DAB1: variants seen among roughly 807,000 people sequenced by gnomAD.
The protein encoded by DAB1 is DAB adaptor protein 1.
Under a neutral mutation model 64.6 loss-of-function variants are expected in DAB1, and 15 were observed. The ratio of observed to expected loss-of-function variants is 0.23; its 90% CI spans 0.16 to 0.36. The LOEUF (loss-of-function observed/expected upper bound fraction) is 0.36, where lower values mean the gene tolerates loss of function less well. Ranked by LOEUF, DAB1 falls within the 10% of genes least tolerant of loss-of-function variation. The pLI, the probability that DAB1 is intolerant of heterozygous loss-of-function variation, is 1.00. For synonymous variants in DAB1, 235 were observed against 251.9 expected (o/e 0.93, Z 0.64); for missense variants, 596 against 706.7 (o/e 0.84, Z 1.78).
intron 1 of DAB1, among the ~76,000 whole-genome samples, chr1:57,415,021 C>T (rs896349425): frequency 1.4e-4 from 22 of 152,028 alleles, no homozygotes; most frequent in East Asian, 9.7e-4. Context: ...AAAATGTATA[C>T]GGAAGAAAAC....
intron 4 of DAB1, among the ~76,000 whole-genome samples, chr1:58,309,893 T>C (rs530621358): frequency 1.3e-5 from 2 of 152,294 alleles, no homozygotes; most frequent in East Asian, 3.9e-4. Flanking sequence ...AAGCTCACAC[T>C]GGAGACTAAT....
chr1:57,540,225 C>G (rs2101445890), intron 7 of DAB1, among the ~76,000 whole-genome samples: 1 of 152,106 alleles, frequency 6.6e-6, no homozygotes, highest in East Asian at 1.9e-4. Context: ...TAGGGAAATG[C>G]AAATCAAAAC....
At chr1:57,451,229 G>A (rs749723613) in intron 7 of DAB1, among the ~76,000 whole-genome samples, 10 of 152,150 alleles carry the variant, frequency 6.6e-5, no homozygotes, top group African/African-American at 9.6e-5. Flanking sequence ...CTTTAGCTCC[G>A]GGAGTCCTTG....
At chr1:58,325,343 C>T (rs1218163572) in intron 4 of DAB1, among the ~76,000 whole-genome samples, 1 of 152,120 alleles carries the variant, frequency 6.6e-6, no homozygotes, top group African/African-American at 2.4e-5. Context: ...CTGATTTTAC[C>T]TTTCTCTTAG....
At chr1:57,989,971 G>T (rs955701520) in intron 5 of DAB1, among the ~76,000 whole-genome samples, 1 of 152,094 alleles carries the variant, frequency 6.6e-6, no homozygotes, top group African/African-American at 2.4e-5. Flanking sequence ...GGTAAATCAG[G>T]CACCATTTCT....
chr1:58,121,338 C>A (rs1400519730), intron 5 of DAB1, among the ~76,000 whole-genome samples: 1 of 152,058 alleles, frequency 6.6e-6, no homozygotes, highest in Admixed American at 6.6e-5. Context: ...ACTTTTCAGA[C>A]CTCATTTCCT....
At chr1:58,185,909 C>T (rs1657052899) in intron 4 of DAB1, among the ~76,000 whole-genome samples, 1 of 152,136 alleles carries the variant, frequency 6.6e-6, no homozygotes, top group Non-Finnish European at 1.5e-5. Flanking sequence ...GGCCATTGAC[C>T]CTAGAGTTTG....
chr1:57,457,310 G>A (rs1686633913), intron 7 of DAB1, among the ~76,000 whole-genome samples: 1 of 152,124 alleles, frequency 6.6e-6, no homozygotes, highest in Non-Finnish European at 1.5e-5. Context: ...AGAGAAATCT[G>A]ACCAGCATGG....
intron 7 of DAB1, among the ~76,000 whole-genome samples, chr1:57,491,215 T>G (rs939212700): frequency 2.6e-5 from 4 of 152,090 alleles, no homozygotes; most frequent in African/African-American, 9.7e-5. Context: ...GATCATGAGT[T>G]CAGGAGATGG....
intron 7 of DAB1, among the ~76,000 whole-genome samples, chr1:57,569,415 T>G (rs1645166106): frequency 6.6e-6 from 1 of 151,984 alleles, no homozygotes; most frequent in Non-Finnish European, 1.5e-5. Flanking sequence ...CCATAAAAAA[T>G]GATGAGTTCA....
intron 5 of DAB1, among the ~76,000 whole-genome samples, chr1:57,921,688 T>C (rs1198841484): frequency 6.6e-6 from 1 of 152,148 alleles, no homozygotes; most frequent in African/African-American, 2.4e-5. Context: ...GGAATCTCTC[T>C]ACCAGACTTC....
chr1:57,611,479 T>A (rs999271121), intron 7 of DAB1, among the ~76,000 whole-genome samples: 1 of 152,218 alleles, frequency 6.6e-6, no homozygotes, highest in Non-Finnish European at 1.5e-5. Context: ...TCTACTTGTC[T>A]ACAATGAAGT....
chr1:57,137,679 C>T (rs935439045), intron 3 of DAB1, among the ~76,000 whole-genome samples: 2 of 152,110 alleles, frequency 1.3e-5, no homozygotes, highest in South Asian at 2.1e-4. Context: ...AAGATTAAGC[C>T]CAACTCTCAG....
intron 3 of DAB1, among the ~76,000 whole-genome samples, chr1:58,400,342 G>A (rs975780810): frequency 2.0e-5 from 3 of 152,030 alleles, no homozygotes; most frequent in East Asian, 3.9e-4. Context: ...GAATGGCCCC[G>A]CTCAGACCAG....
intron 1 of DAB1, chr1:57,864,961 T>C (rs896004373): frequency 6.6e-6 from 1 of 152,158 alleles, no homozygotes; most frequent in Non-Finnish European, 1.5e-5. Flanking sequence ...TGCTAGCTAC[T>C]GTAACAAATA....
chr1:58,008,958 T>C (rs1646627874), intron 5 of DAB1, among the ~76,000 whole-genome samples: 1 of 152,134 alleles, frequency 6.6e-6, no homozygotes, highest in South Asian at 2.1e-4. Context: ...TATGTATTGG[T>C]CTGGTCACGT....
At chr1:58,150,696 T>A (rs1027489875) in intron 4 of DAB1, 9 of 150,242 alleles carry the variant, frequency 6.0e-5, no homozygotes, top group African/African-American at 2.2e-4. Flanking sequence ...GTTTTTTGGT[T>A]TTTTTTTTAT....
At chr1:57,784,871 T>C (rs112367713) in intron 6 of DAB1, among the ~76,000 whole-genome samples, 19 of 152,326 alleles carry the variant, frequency 1.2e-4, no homozygotes, top group African/African-American at 3.8e-4. Context: ...CCACAGATTT[T>C]CATTGAAGAT....
chr1:57,782,345 C>A (rs1055201301), intron 6 of DAB1, among the ~76,000 whole-genome samples: 1 of 152,142 alleles, frequency 6.6e-6, no homozygotes, highest in African/African-American at 2.4e-5. Context: ...GTCAAAGACA[C>A]ACAGTTTTTT....
Sources: gnomAD v4.1 joint callset for allele counts (sites outside exome capture counted in the v4.1 genomes callset) on GRCh38, gnomAD v4.1.1 for gene constraint, MANE v1.5 for transcripts, NCBI Gene and HGNC (gene_info 2026-07-23, HGNC 2026-07-21) for gene names.